CTSW: variants seen among roughly 807,000 people sequenced by gnomAD.
The protein encoded by CTSW is cathepsin W, also known as lymphopain.
CTSW carries 42 observed loss-of-function variants against 43.8 expected under a neutral mutation model. The observed-to-expected ratio is 0.96, with a 90% confidence interval of 0.75 to 1.24. The LOEUF (loss-of-function observed/expected upper bound fraction) is 1.24, where lower values mean the gene tolerates loss of function less well. Among genes scored for constraint, CTSW ranks in the 50% most tolerant of loss-of-function variants. The pLI is 0.00. For synonymous variants in CTSW, 191 were observed against 184.8 expected (o/e 1.03, Z -0.27); for missense variants, 475 against 479.9 (o/e 0.99, Z 0.09).
At chr11:65,882,150 C>T in intron 3 of CTSW, 25 bp from the exon 4 acceptor site, 3 of 1,612,248 alleles carry the variant, frequency 1.9e-6, no homozygotes, top group Non-Finnish European at 1.7e-6. Flanking sequence ...AAATGGAGAC[C>T]TCAGTGGCCC....
chr11:65,882,656 G>A lies in CTSW; in HGVS notation c.586G>A (p.Val196Ile), dbSNP rs150421438. 1.6e-4 allele frequency: 263 copies of A among 1,614,096 alleles called. 1 individual carries two copies. In the Admixed American group the frequency reaches 2.0e-3, roughly 12 times the overall value. Residue 196 changes from valine (V) to isoleucine (I), a missense_variant, in exon 6 of 10, where the codon GTC becomes ATC. Coordinates refer to ENST00000307886, the MANE Select transcript of CTSW (RefSeq NM_001335.4). ...RCGDGCHGGF[V>I]WDAFITVLNN... is the part of the protein sequence containing the mutation. ...TGGGGATGGCTGCCACGGTGGCTTC[G>A]TCTGGGACGCGTTCATAACTGTCCT...
chr11:65,882,817 A>C lies in CTSW; in HGVS notation c.658A>C (p.Lys220Gln), dbSNP rs757770389. 1.1e-5 allele frequency: 18 copies of C among 1,614,146 alleles called. No individual in the cohort carries two copies. The East Asian group carries it at 3.8e-4, about 34-fold the overall frequency. Reference protein sequence around the residue: ...ASEKDYPFQGKVRAHRCHPKK... With the variant: ...ASEKDYPFQGQVRAHRCHPKK... ...TGAAAAGGACTACCCGTTCCAGGGC[A>C]AAGTCAGAGCCCACAGGTGCCACCC... Residue 220 changes from lysine to glutamine, a missense_variant, in exon 7 of 10, where the codon AAA (lysine) becomes CAA (glutamine). Physicochemically the swap from Lys to Gln is moderately conservative, Grantham distance 53. Coordinates refer to ENST00000307886, the MANE Select transcript of CTSW (RefSeq NM_001335.4).
At chr11:65,883,447 G>A (rs1414592719) in intron 9 of CTSW, 23 bp downstream of exon 9, 3 of 1,613,690 alleles carry the variant, frequency 1.9e-6, no homozygotes, top group African/African-American at 1.3e-5. Context: ...TATTGGGGGA[G>A]GGGGCAAGGC....
rs1860103920 is a variant in CTSW, at chr11:65,881,401, G to A, written c.173-6G>A. 1 of 1,584,496 alleles carries A rather than the reference G, an allele frequency of 6.3e-7. No individual in the cohort carries two copies. The highest frequency in any genetic ancestry group is 2.3e-5 in the East Asian group (1 of 43,140). ...GTCAGCCTAGGACAACTCCCTTTTG[G>A]TCCAGAGCATGCTCACCGCCTGGAC... On this transcript the variant is annotated splice_polypyrimidine_tract_variant and splice_region_variant and intron_variant, in intron 2 of 9. Transcript: ENST00000307886.
rs773310207 is a variant in CTSW at position 65,882,593 on chromosome 11, T to C, written c.539-16T>C. On this transcript the variant is annotated splice_polypyrimidine_tract_variant and intron_variant, in intron 5 of 9. Transcript: ENST00000307886. ...CCTAGGGGCCTGGTCACCCACACTG[T>C]CCCTTCTTGCACCAGAACTGCTGGA... 1 of 1,614,156 alleles carries C rather than the reference T, an allele frequency of 6.2e-7. No homozygotes were observed. Among genetic ancestry groups the C allele is most frequent in the East Asian group, 2.2e-5 (1 of 44,876 alleles).
At chr11:65,883,047 C>T in intron 7 of CTSW, 22 bp from the exon 8 acceptor site, 7 of 1,614,058 alleles carry the variant, frequency 4.3e-6, no homozygotes, top group Non-Finnish European at 5.1e-6. Flanking sequence ...TGCCAAGGGT[C>T]TGATGATGTT....
Position 65,880,304 on chromosome 11 carries a change from C to T in CTSW, c.172+18C>T. ...CCCAGAAGGTATCACAGGGCACATA[C>T]ATCTCCAGTCCAAGCCCCCACTTTT... On this transcript the variant is annotated intron_variant, in intron 2 of 9. Transcript: ENST00000307886. 2 of 1,589,246 alleles carry T rather than the reference C, an allele frequency of 1.3e-6. No homozygotes were observed. Among genetic ancestry groups the T allele is most frequent in the South Asian group, 1.1e-5 (1 of 89,088 alleles).
rs1478945709 is a variant in CTSW, at chr11:65,882,276, T to C, written c.388T>C (p.Phe130Leu). ...TGAAGAGCCAGAGGAGTCAGTACCT[T>C]TCAGCTGTGACTGGCGGAAGGTGGC... ...RSEEPEESVP[F>L]SCDWRKVASA... The change falls in exon 4 of 10, where the codon TTC becomes CTC. Residue 130 changes from phenylalanine (F) to leucine (L), a missense_variant. By Grantham distance (22) the Phe-to-Leu change is conservative. Coordinates refer to ENST00000307886, the MANE Select transcript of CTSW (RefSeq NM_001335.4). The C allele has an allele frequency of 1.2e-6, 2 of 1,614,132 alleles. No individual in the cohort carries two copies. The highest frequency in any genetic ancestry group is 3.3e-5 in the Admixed American group (2 of 60,020).
Position 65,883,579 on chromosome 11 carries a change from G to A in CTSW, c.1092G>A (p.Gln364=). Residue 364 remains glutamine, a synonymous_variant, in exon 10 of 10, where the codon CAG becomes CAA. Coordinates refer to ENST00000307886, the MANE Select transcript of CTSW (RefSeq NM_001335.4). ...AGTTCCCGCTCACTGCCCGTGTGCA[G>A]AAACCGGATATGAAGCCCCGAGTCT... is the stretch of plus-strand genomic sequence containing the variant. ...ITKFPLTARV[Q]KPDMKPRVSC... is the part of the protein sequence containing the mutation. 1 of 1,614,070 alleles carries A rather than the reference G, an allele frequency of 6.2e-7. No individual in the cohort carries two copies. The highest frequency in any genetic ancestry group is 8.5e-7 in the Non-Finnish European group (1 of 1,179,960).
Position 65,881,520 on chromosome 11 carries a change from G to T in CTSW, c.286G>T (p.Glu96Ter). 1 of 1,597,576 alleles carries T rather than the reference G, an allele frequency of 6.3e-7. No individual in the cohort carries two copies. Among genetic ancestry groups the T allele is most frequent in the African/African-American group, 1.3e-5 (1 of 74,648 alleles). The part of the protein sequence containing the change: ...FGVTPFSDLT[E>*]EEFGQLYGYR... ...GGTGACTCCATTCAGTGACCTCACAGGTACCATTAACCCTTCTGGCTCGTA... is the reference window on the plus strand; with the variant it reads ...GGTGACTCCATTCAGTGACCTCACATGTACCATTAACCCTTCTGGCTCGTA... Residue 96 changes from glutamate (E) to a stop codon, truncating the protein, a stop_gained and splice_region_variant, in exon 3 of 10, where the codon GAG becomes TAG. Transcript: ENST00000307886. LOFTEE classifies it high-confidence loss of function.
chr11:65,880,063 T>C, intron 1 of CTSW, 122 bp downstream of exon 1: 1 of 1,180,718 alleles, frequency 8.5e-7, no homozygotes, highest in East Asian at 2.5e-5. Context: ...GGGGCTGACG[T>C]GCCCAAGGGC....
In CTSW at chr11:65,883,346, G is replaced by A. The variant is rs1362348626; in HGVS notation, c.942G>A (p.Ser314=). ...EEGIWAETVS[S]QSQPQPPHPT... ...GGATATGGGCAGAGACAGTCTCATC[G>A]CAGTCTCAGCCTCAGCCTCCACACC... is the stretch of plus-strand genomic sequence containing the variant. Residue 314 remains serine (S), a synonymous_variant, in exon 9 of 10, where the codon TCG becomes TCA. Coordinates refer to ENST00000307886, the MANE Select transcript of CTSW (RefSeq NM_001335.4). 4.3e-6 allele frequency: 7 copies of A among 1,613,940 alleles called. No homozygotes were observed. The highest frequency in any genetic ancestry group is 1.7e-5 in the Admixed American group (1 of 60,000).
At position 65,881,499 on chromosome 11, in the gene CTSW, A is replaced by C. The variant is rs1256340577; in HGVS notation, c.265A>C (p.Thr89Pro). ...CTTGGGCACAGCTGAGTTTGGGGTGACTCCATTCAGTGACCTCACAGGTAC... is the reference window on the plus strand; with the variant it reads ...CTTGGGCACAGCTGAGTTTGGGGTGCCTCCATTCAGTGACCTCACAGGTAC... ...EDLGTAEFGVTPFSDLTEEEF... is the reference protein window; with the variant it reads ...EDLGTAEFGVPPFSDLTEEEF... Residue 89 changes from threonine (T) to proline (P), a missense_variant, in exon 3 of 10, where the codon ACT becomes CCT. Physicochemically the swap from Thr to Pro is conservative, Grantham distance 38 (BLOSUM62 -1). Transcript: ENST00000307886. The C allele has an allele frequency of 1.2e-6, 2 of 1,608,276 alleles. No homozygotes were observed. The highest frequency in any genetic ancestry group is 1.7e-6 in the Non-Finnish European group (2 of 1,176,910).
rs748358163 is a variant in CTSW, at chr11:65,883,525, C to A, written c.1038C>A (p.His346Gln). The change falls in exon 10 of 10, where the codon CAC (histidine) becomes CAA (glutamine). Residue 346 changes from histidine (H) to glutamine (Q), a missense_variant. Coordinates refer to ENST00000307886, the MANE Select transcript of CTSW (RefSeq NM_001335.4). ...QWGEKGYFRL[H>Q]RGSNTCGITK... ...CCTCCTAGGGCTATTTCCGGCTGCA[C>A]CGAGGGAGCAATACCTGTGGCATCA... 6.2e-7 allele frequency: 1 copy of A among 1,613,940 alleles called. No individual in the cohort carries two copies. Among genetic ancestry groups the A allele is most frequent in the Non-Finnish European group, 8.5e-7 (1 of 1,179,850 alleles).
Position 65,882,293 on chromosome 11 carries a change from G to A in CTSW, c.405G>A (p.Arg135=). Residue 135 remains arginine (R), a synonymous_variant, in exon 4 of 10, where the codon CGG becomes CGA. Coordinates refer to ENST00000307886, the MANE Select transcript of CTSW (RefSeq NM_001335.4). ...CAGTACCTTTCAGCTGTGACTGGCG[G>A]AAGGTGGCCAGCGCCATCTCACCCA... ...EESVPFSCDW[R]KVASAISPIK... is the part of the protein sequence containing the mutation. 1 of 1,614,184 alleles carries A rather than the reference G, an allele frequency of 6.2e-7. No individual in the cohort carries two copies.
intron 6 of CTSW, 42 bp downstream of exon 6, chr11:65,882,731 C>T: frequency 6.2e-7 from 1 of 1,614,178 alleles, no homozygotes; most frequent in Non-Finnish European, 8.5e-7. Flanking sequence ...TGCAGGGGGA[C>T]AGGGTGGGCA....
In CTSW at chr11:65,880,856, G is replaced by C. The variant is rs74572640; in HGVS notation, c.173-551G>C. Among the ~76,000 whole-genome samples, 923 of 152,326 alleles carry C rather than the reference G, an allele frequency of 6.1e-3. 1 individual carries two copies. Among genetic ancestry groups the C allele is most frequent in the Middle Eastern group, 0.014 (4 of 294 alleles). ...AGCCACTTCCCTGCGATTCTAGGCA[G>C]TGGACAGGGGGCCACCACCTAGTCA... is the stretch of plus-strand genomic sequence containing the variant. On this transcript the variant is annotated intron_variant, in intron 2 of 9. Coordinates refer to ENST00000307886, the MANE Select transcript of CTSW (RefSeq NM_001335.4).
In CTSW at chr11:65,881,487, G is replaced by A; in HGVS notation, c.253G>A (p.Glu85Lys). 1 of 1,611,020 alleles carries A rather than the reference G, an allele frequency of 6.2e-7. No individual in the cohort carries two copies. The highest frequency in any genetic ancestry group is 1.1e-5 in the South Asian group (1 of 90,426). ...GCAGGAGGAGGACTTGGGCACAGCT[G>A]AGTTTGGGGTGACTCCATTCAGTGA... is the stretch of plus-strand genomic sequence containing the variant. Reference protein sequence around the residue: ...RLQEEDLGTAEFGVTPFSDLT... With the variant: ...RLQEEDLGTAKFGVTPFSDLT... Residue 85 changes from glutamate (E) to lysine (K), a missense_variant, in exon 3 of 10, where the codon GAG (glutamate) becomes AAG (lysine). Transcript: ENST00000307886.
At position 65,882,451 on chromosome 11, in the gene CTSW, G is replaced by A. The variant is rs752296877; in HGVS notation, c.463G>A (p.Ala155Thr). ...KDQKNCNCCWAMAAAGNIETL... is the reference protein window; with the variant it reads ...KDQKNCNCCWTMAAAGNIETL... ...CCAGAAAAACTGCAACTGCTGCTGG[G>A]CCATGGCAGCGGCAGGCAACATAGA... Residue 155 changes from alanine (A) to threonine (T), a missense_variant, in exon 5 of 10, where the codon GCC (alanine) becomes ACC (threonine). By Grantham distance (58) the Ala-to-Thr change is moderately conservative. Coordinates refer to ENST00000307886, the MANE Select transcript of CTSW (RefSeq NM_001335.4). 5.0e-6 allele frequency: 8 copies of A among 1,614,220 alleles called. No individual in the cohort carries two copies. The South Asian group carries it at 5.5e-5, about 11-fold the overall frequency.
Sources: gnomAD v4.1 joint callset for allele counts (sites outside exome capture counted in the v4.1 genomes callset) on GRCh38, gnomAD v4.1.1 for gene constraint, MANE v1.5 for transcripts, NCBI Gene and HGNC (gene_info 2026-07-23, HGNC 2026-07-21) for gene names.